USP10: variants seen among roughly 807,000 people sequenced by gnomAD.
The protein encoded by USP10 is ubiquitin carboxyl-terminal hydrolase 10.
Under a neutral mutation model 84.5 loss-of-function variants are expected in USP10, and 22 were observed. That is an observed-to-expected ratio of 0.26 (90% CI 0.19 to 0.37). The LOEUF (loss-of-function observed/expected upper bound fraction) is 0.37. Ranked by LOEUF, USP10 falls within the 10% of genes least tolerant of loss-of-function variation. The pLI, the probability that USP10 is intolerant of heterozygous loss-of-function variation, is 1.00. For synonymous variants in USP10, 454 were observed against 387.6 expected (o/e 1.17, Z -2.01); for missense variants, 1,019 against 998.9 (o/e 1.02, Z -0.27).
At chr16:84,774,694 TCTC>T (rs1914809449) in intron 12 of USP10, among the ~76,000 whole-genome samples, 3 of 152,120 alleles carry the variant, frequency 2.0e-5, no homozygotes, top group Admixed American at 2.0e-4. Flanking sequence ...ATGGTCTCGA[TCTC>T]CTGACCTCGT....
intron 4 of USP10, among the ~76,000 whole-genome samples, 178 bp from the exon 5 acceptor site, chr16:84,758,538 A>G (rs1047715420): frequency 6.6e-6 from 1 of 152,246 alleles, no homozygotes; most frequent in Non-Finnish European, 1.5e-5. Context: ...AAAATGTTCT[A>G]ATTGAATAAT....
At chr16:84,731,469 T>C (rs1439310951) in intron 1 of USP10, among the ~76,000 whole-genome samples, 6 of 152,204 alleles carry the variant, frequency 3.9e-5, no homozygotes, top group African/African-American at 1.4e-4. Flanking sequence ...TTATCATTCT[T>C]GTATTTCTCG....
chr16:84,720,554 C>CAGAATAAAA (rs1368287132), intron 1 of USP10, among the ~76,000 whole-genome samples: 31 of 138,458 alleles, frequency 2.2e-4, no homozygotes, highest in African/African-American at 7.7e-4. Context: ...AAAACAGATG[C>CAGAATAAAA]AGAATAAAAA....
chr16:84,711,851 C>T (rs954668731), intron 1 of USP10, among the ~76,000 whole-genome samples: 14 of 151,312 alleles, frequency 9.3e-5, no homozygotes, highest in African/African-American at 1.7e-4. Context: ...TCCTGAGTAG[C>T]TGGGATTACA....
Position 84,778,784 on chromosome 16 carries a change from G to A in USP10, c.2210-111G>A, listed in dbSNP as rs972793902. On this transcript the variant is annotated intron_variant, in intron 13 of 13. Coordinates refer to ENST00000219473, the MANE Select transcript of USP10 (RefSeq NM_005153.3). ...GACATCTCTCTGTCCCACCTGCTTT[G>A]GAGAGGGGTTTTACACATAGGATGC... 31 of 1,041,044 alleles carry A rather than the reference G, an allele frequency of 3.0e-5. No homozygotes were observed. The African/African-American group carries it at 5.0e-4, about 17-fold the overall frequency. The allele number at this position is 1,041,044 out of a possible 1,614,324, so 64.5% of individuals were successfully genotyped here.
intron 1 of USP10, among the ~76,000 whole-genome samples, chr16:84,726,621 T>C (rs1908516002): frequency 6.6e-6 from 1 of 152,208 alleles, no homozygotes; most frequent in Admixed American, 6.5e-5. Context: ...GTGTTTCTTG[T>C]ATATTTTTTT....
chr16:84,702,809 A>G (rs1905057752), intron 1 of USP10, among the ~76,000 whole-genome samples: 1 of 151,980 alleles, frequency 6.6e-6, no homozygotes, highest in Non-Finnish European at 1.5e-5. Flanking sequence ...CCTGACCAAT[A>G]TAGTGAGACC....
chr16:84,716,173 T>G (rs905405430), intron 1 of USP10: 1 of 152,284 alleles, frequency 6.6e-6, no homozygotes, highest in Non-Finnish European at 1.5e-5. Flanking sequence ...GCGTAATGTC[T>G]CTCCCCCCTC....
At chr16:84,774,446 C>G (rs1914767926) in intron 12 of USP10, among the ~76,000 whole-genome samples, 1 of 151,830 alleles carries the variant, frequency 6.6e-6, no homozygotes, top group Admixed American at 6.6e-5. Context: ...AATCATGTTA[C>G]TGTTCTGTAA....
At chr16:84,777,300 G>A (rs1433031793) in intron 13 of USP10, among the ~76,000 whole-genome samples, 8 of 152,222 alleles carry the variant, frequency 5.3e-5, no homozygotes, top group African/African-American at 1.9e-4. Flanking sequence ...GAATGGAGAT[G>A]TCTTGTGGGA....
At chr16:84,765,049 T>G (rs1047482563) in intron 10 of USP10, among the ~76,000 whole-genome samples, 32 of 151,088 alleles carry the variant, frequency 2.1e-4, no homozygotes, top group Non-Finnish European at 3.5e-4. Flanking sequence ...CACTCCAGCC[T>G]GGGTGACAGA....
At position 84,778,951 on chromosome 16, in the gene USP10, C is replaced by T. The variant is rs1915299223; in HGVS notation, c.2266C>T (p.Gln756Ter). The T allele has an allele frequency of 1.2e-6, 2 of 1,613,864 alleles. No individual in the cohort carries two copies. Among genetic ancestry groups the T allele is most frequent in the Admixed American group, 1.7e-5 (1 of 60,008 alleles). ...CGGCCATTACACTACAGACGTCTTC[C>T]AGATCGGTCTGAATGGCTGGCTGCG... The part of the protein sequence containing the change: ...TGGHYTTDVF[Q>*]IGLNGWLRID... The change falls in exon 14 of 14, where the codon CAG becomes TAG. Residue 756 changes from glutamine to a stop codon, truncating the protein, a stop_gained. Transcript: ENST00000219473. LOFTEE classifies it high-confidence loss of function.
At position 84,759,858 on chromosome 16, in the gene USP10, C is replaced by G. The variant is rs75706954; in HGVS notation, c.1395-33C>G. 8.1e-4 allele frequency: 1,292 copies of G among 1,602,470 alleles called. 11 individuals carry two copies. In the African/African-American group the frequency reaches 0.015, roughly 18 times the overall value. ...TAGTAAAAGTATATATTGTTTAAAA[C>G]TGCACTATTTAACATTTTTTCCCCA... is the stretch of plus-strand genomic sequence containing the variant. On this transcript the variant is annotated intron_variant, in intron 6 of 13. Transcript: ENST00000219473.
At chr16:84,755,592 C>T (rs977361277) in intron 4 of USP10, among the ~76,000 whole-genome samples, 7 of 152,202 alleles carry the variant, frequency 4.6e-5, no homozygotes, top group South Asian at 2.1e-4. Context: ...GGCATAATCA[C>T]GCCACTGCAC....
intron 2 of USP10, among the ~76,000 whole-genome samples, chr16:84,734,010 A>G (rs549349158): frequency 1.3e-5 from 2 of 152,140 alleles, no homozygotes; most frequent in African/African-American, 4.8e-5. Flanking sequence ...ACACACTGCA[A>G]TTTACTTACA....
intron 1 of USP10, among the ~76,000 whole-genome samples, chr16:84,722,229 C>T (rs1907908655): frequency 6.6e-6 from 1 of 152,210 alleles, no homozygotes; most frequent in African/African-American, 2.4e-5. Flanking sequence ...GTTACCTTCA[C>T]CTGACCCAAC....
In USP10 at chr16:84,777,464, G is replaced by A. The variant is rs138619106; in HGVS notation, c.2210-1431G>A. On this transcript the variant is annotated intron_variant, in intron 13 of 13. Coordinates refer to ENST00000219473, the MANE Select transcript of USP10 (RefSeq NM_005153.3). ...GATCCAGGGGACATGCTGCTGTCAT[G>A]GGTGCTTCCTGCCCTTTCACAAGAT... Among the ~76,000 whole-genome samples, 58 of 152,292 alleles carry A rather than the reference G, an allele frequency of 3.8e-4. 1 individual carries two copies. The East Asian group carries it at 0.011, about 28-fold the overall frequency.
chr16:84,747,139 C>T (rs1256355153), intron 4 of USP10, among the ~76,000 whole-genome samples: 1 of 152,164 alleles, frequency 6.6e-6, no homozygotes, highest in Non-Finnish European at 1.5e-5. Flanking sequence ...CTGTACGTAC[C>T]TAAGAAGCAG....
At chr16:84,742,417 C>G (rs1447838685) in intron 3 of USP10, among the ~76,000 whole-genome samples, 1 of 152,224 alleles carries the variant, frequency 6.6e-6, no homozygotes, top group Non-Finnish European at 1.5e-5. Context: ...GTATTTGTCT[C>G]CCTAATAAAT....
Sources: gnomAD v4.1 joint callset for allele counts (sites outside exome capture counted in the v4.1 genomes callset) on GRCh38, gnomAD v4.1.1 for gene constraint, MANE v1.5 for transcripts, NCBI Gene and HGNC (gene_info 2026-07-23, HGNC 2026-07-21) for gene names.